BCAN: variants seen among roughly 807,000 people sequenced by gnomAD.
BCAN encodes brevican.
BCAN carries 51 observed loss-of-function variants against 92.4 expected under a neutral mutation model. The observed-to-expected ratio is 0.55, with a 90% CI of 0.44 to 0.70. BCAN has a LOEUF of 0.70. BCAN is among the 30% of genes least tolerant of loss of function. BCAN has a pLI of 0.00. For missense variants in BCAN, 1,140 were observed against 1,212.1 expected (o/e 0.94, Z 0.88); for synonymous variants, 501 against 505.2 (o/e 0.99, Z 0.11).
In BCAN at chr1:156,658,306, G is replaced by C. The variant is rs543034863; in HGVS notation, c.2437+35G>C. On this transcript the variant is annotated intron_variant, in intron 12 of 13. Transcript: ENST00000329117. The surrounding 1 kb of genome is among the most constrained non-coding windows in gnomAD (Gnocchi z 4.4). ...GGCAAAGGAGGGTCCCAGCAAGGAA[G>C]TGGAGGGGTGGGCTAGGGGACCAGA... 4 of 1,608,686 alleles carry C rather than the reference G, an allele frequency of 2.5e-6. No individual in the cohort carries two copies. Among genetic ancestry groups the C allele is most frequent in the African/African-American group, 2.7e-5 (2 of 74,972 alleles).
In BCAN at chr1:156,658,055, C is replaced by T. The variant is rs533217524; in HGVS notation, c.2293-72C>T. 24 of 1,555,330 alleles carry T rather than the reference C, an allele frequency of 1.5e-5. No homozygotes were observed. The South Asian group carries it at 2.5e-4, about 16-fold the overall frequency. On this transcript the variant is annotated intron_variant, in intron 11 of 13. Transcript: ENST00000329117. This position sits in a 1 kb window ranked among gnomAD's most constrained non-coding sequence, Gnocchi z 4.4. ...TGGGGCCCCGCTCACCAGCCCTCCT[C>T]CCCAGATCCTCTAGGCCCTCTCCCG...
Position 156,647,795 on chromosome 1 carries a change from T to G in BCAN, c.641+113T>G, listed in dbSNP as rs1679034696. ...CTGGACATGCAGGGCTTTTTGCCTC[T>G]GGGGGATGAGGCTGGTCTGAGGAGG... On this transcript the variant is annotated intron_variant, in intron 4 of 13. Coordinates refer to ENST00000329117, the MANE Select transcript of BCAN (RefSeq NM_021948.5). The surrounding 1 kb of genome is among the most constrained non-coding windows in gnomAD (Gnocchi z 4.8). 1 of 1,540,712 alleles carries G rather than the reference T, an allele frequency of 6.5e-7. No individual in the cohort carries two copies.
At position 156,658,026 on chromosome 1, in the gene BCAN, C is replaced by T. The variant is rs964875241; in HGVS notation, c.2293-101C>T. The T allele has an allele frequency of 2.1e-6, 3 of 1,423,528 alleles. No homozygotes were observed. Among genetic ancestry groups the T allele is most frequent in the Admixed American group, 2.1e-5 (1 of 48,394 alleles). The allele number at this position is 1,423,528 out of a possible 1,614,324, so 88.2% of individuals were successfully genotyped here. A position where few individuals can be genotyped will look rare whatever the true frequency, so the allele number is the denominator to read the frequency against. On this transcript the variant is annotated intron_variant, in intron 11 of 13. Transcript: ENST00000329117. The surrounding 1 kb of genome is among the most constrained non-coding windows in gnomAD (Gnocchi z 4.4). ...CTACCCCCTAGCCCTAACCTTCCCT[C>T]TCCTGGGGCCCCGCTCACCAGCCCT...
Position 156,658,370 on chromosome 1 carries a change from A to G in BCAN, c.2437+99A>G. The G allele has an allele frequency of 1.3e-6, 2 of 1,519,758 alleles. No homozygotes were observed. Among genetic ancestry groups the G allele is most frequent in the South Asian group, 1.3e-5 (1 of 79,260 alleles). The allele number at this position is 1,519,758 out of a possible 1,614,324, so 94.1% of individuals were successfully genotyped here. A position where few individuals can be genotyped will look rare whatever the true frequency, so the allele number is the denominator to read the frequency against. On this transcript the variant is annotated intron_variant, in intron 12 of 13. Coordinates refer to ENST00000329117, the MANE Select transcript of BCAN (RefSeq NM_021948.5). The surrounding 1 kb of genome is among the most constrained non-coding windows in gnomAD (Gnocchi z 4.4). ...GTAGACAGAGAGTGCAAAGCAACAT[A>G]GAGGAGTCAGAACGTGTTCCAGACC...
rs773590185 is a variant in BCAN at position 156,647,197 on chromosome 1, A to G, written c.466+22A>G. 16 of 412,000 alleles carry G rather than the reference A, an allele frequency of 3.9e-5. No homozygotes were observed. Among genetic ancestry groups the G allele is most frequent in the South Asian group, 2.7e-4 (13 of 48,404 alleles). The allele number at this position is 412,000 out of a possible 1,614,324, so 25.5% of individuals were successfully genotyped here. ...AAAGGTGAGAGGGCAGGGAGGTTCCAGAGGGAGGGAGGGAGGGAGGGAAGG... is the reference window on the plus strand; with the variant it reads ...AAAGGTGAGAGGGCAGGGAGGTTCCGGAGGGAGGGAGGGAGGGAGGGAAGG... On this transcript the variant is annotated intron_variant, in intron 3 of 13. Coordinates refer to ENST00000329117, the MANE Select transcript of BCAN (RefSeq NM_021948.5). The surrounding 1 kb of genome is among the most constrained non-coding windows in gnomAD (Gnocchi z 4.8).
rs112514113 is a variant in BCAN at position 156,653,283 on chromosome 1, G to A, written c.1942+391G>A. The A allele has an allele frequency of 1.4e-4, 156 of 1,129,598 alleles. 2 individuals are homozygous for A. In the African/African-American group the frequency reaches 2.1e-3, roughly 15 times the overall value. The allele number at this position is 1,129,598 out of a possible 1,614,324, so 70.0% of individuals were successfully genotyped here. A position where few individuals can be genotyped will look rare whatever the true frequency, so the allele number is the denominator to read the frequency against. On this transcript the variant is annotated intron_variant, in intron 8 of 13. Coordinates refer to ENST00000329117, the MANE Select transcript of BCAN (RefSeq NM_021948.5). ...TACTCCCTTCATCCGCCTGTGTGCC[G>A]TCCCCTTTAGCTGCCTCCTATTGAT...
chr1:156,646,498 C>G, intron 2 of BCAN: 2 of 515,770 alleles, frequency 3.9e-6, no homozygotes, highest in South Asian at 3.6e-5. Context: ...GTTGGAGGAC[C>G]CTGGGGTGTG....
rs1306256913 is a variant in BCAN, at chr1:156,647,254, TGA to T, written c.466+83_466+84del. Reference sequence around the variant, plus strand: ...TCTTGCCTTCGGGGATCCCACAGTGTGAGAGGGAAGCAAAGGTAGCTGGAAGG... The same window carrying T: ...TCTTGCCTTCGGGGATCCCACAGTGTGAGGGAAGCAAAGGTAGCTGGAAGG... On this transcript the variant is annotated intron_variant, in intron 3 of 13. Coordinates refer to ENST00000329117, the MANE Select transcript of BCAN (RefSeq NM_021948.5). This position sits in a 1 kb window ranked among gnomAD's most constrained non-coding sequence, Gnocchi z 4.8. 6.9e-7 allele frequency: 1 copy of T among 1,440,662 alleles called. No homozygotes were observed. Among genetic ancestry groups the T allele is most frequent in the African/African-American group, 1.4e-5 (1 of 69,602 alleles). The allele number at this position is 1,440,662 out of a possible 1,614,324, so 89.2% of individuals were successfully genotyped here.
Position 156,646,829 on chromosome 1 carries a change from G to A in BCAN, c.120G>A (p.Ala40=), listed in dbSNP as rs752889269. The change falls in exon 3 of 14, where the codon GCG becomes GCA. Residue 40 remains alanine (A), a synonymous_variant. Transcript: ENST00000329117. ...ACCGCGCTTTTCGCGTGCGCATCGC[G>A]GGCGACGCGCCACTGCAGGGCGTGC... ...SEDRAFRVRI[A]GDAPLQGVLG... 1 of 1,578,192 alleles carries A rather than the reference G, an allele frequency of 6.3e-7. No homozygotes were observed. The highest frequency in any genetic ancestry group is 8.6e-7 in the Non-Finnish European group (1 of 1,163,776).
rs373345126 is a variant in BCAN at position 156,651,597 on chromosome 1, G to A, written c.1205G>A (p.Arg402His). ...CAGGAAGCCACAGAGAGTGAATCCC[G>A]TGGGGCCATCTACTCCATCCCCATC... ...LPQEATESES[R>H]GAIYSIPIME... The change falls in exon 7 of 14, where the codon CGT (arginine) becomes CAT (histidine). Residue 402 changes from arginine (R) to histidine (H), a missense_variant. Arg to His is a conservative substitution (Grantham distance 29). This residue lies in a region of BCAN where 825 missense variants were observed against 871.8 expected (regional missense o/e 0.95). Transcript: ENST00000329117. 4.5e-5 allele frequency: 73 copies of A among 1,613,778 alleles called. No homozygotes were observed. Among genetic ancestry groups the A allele is most frequent in the East Asian group, 1.1e-4 (5 of 44,898 alleles).
rs1276560041 is a variant in BCAN, at chr1:156,642,739, T to C, written c.-9+464T>C. The C allele has an allele frequency of 1.3e-5, 2 of 152,224 alleles. No individual in the cohort carries two copies. Among genetic ancestry groups the C allele is most frequent in the Non-Finnish European group, 2.9e-5 (2 of 68,068 alleles). The allele number at this position is 152,224 out of a possible 1,614,324, so 9.4% of individuals were successfully genotyped here. On this transcript the variant is annotated intron_variant, in intron 1 of 13. Transcript: ENST00000329117. This position sits in a 1 kb window ranked among gnomAD's most constrained non-coding sequence, Gnocchi z 4.2. ...CGGCAGGACAGCCGATCAGAGCCGC[T>C]CTAGGGGGTGGTCGGAGTGCCCATT...
At chr1:156,654,376 G>A (rs1304009463) in intron 8 of BCAN, among the ~76,000 whole-genome samples, 1 of 152,188 alleles carries the variant, frequency 6.6e-6, no homozygotes, top group East Asian at 1.9e-4. Context: ...GCCCTGTGGG[G>A]GATAGGGAGG....
In BCAN at chr1:156,658,129, C is replaced by G. The variant is rs762814213; in HGVS notation, c.2295C>G (p.Leu765=). Residue 765 remains leucine, a splice_region_variant and synonymous_variant, in exon 12 of 14, where the codon CTC becomes CTG. Transcript: ENST00000329117. The surrounding 1 kb of genome is among the most constrained non-coding windows in gnomAD (Gnocchi z 4.4). Reference sequence around the variant, plus strand: ...CACCACCTCCTCCGTTCCCCCAGCTCTATGAGAACTGGAACCCTGGGCAGC... The same window carrying G: ...CACCACCTCCTCCGTTCCCCCAGCTGTATGAGAACTGGAACCCTGGGCAGC... ...DFLWSDGVPL[L]YENWNPGQPD... is the part of the protein sequence containing the mutation. The G allele has an allele frequency of 2.5e-6, 4 of 1,613,818 alleles. No homozygotes were observed. Among genetic ancestry groups the G allele is most frequent in the Non-Finnish European group, 3.4e-6 (4 of 1,179,800 alleles).
At position 156,657,075 on chromosome 1, in the gene BCAN, G is replaced by C; in HGVS notation, c.2188G>C (p.Glu730Gln). Residue 730 changes from glutamate (E) to glutamine (Q), a missense_variant, in exon 10 of 14, where the codon GAG (glutamate) becomes CAG (glutamine). Physicochemically the swap from Glu to Gln is conservative, Grantham distance 29 (BLOSUM62 2). Coordinates refer to ENST00000329117, the MANE Select transcript of BCAN (RefSeq NM_021948.5). ...GCATCTGGCCAGCATCAGCACACCC[G>C]AGGAACAGGACTTCATCAACAGTGG... is the stretch of plus-strand genomic sequence containing the variant. ...GAHLASISTP[E>Q]EQDFINNRYR... 6.2e-7 allele frequency: 1 copy of C among 1,613,946 alleles called. No individual in the cohort carries two copies. Among genetic ancestry groups the C allele is most frequent in the Non-Finnish European group, 8.5e-7 (1 of 1,179,852 alleles).
rs1187572983 is a variant in BCAN, at chr1:156,651,588, G to A, written c.1196G>A (p.Ser399Asn). 1 of 1,613,818 alleles carries A rather than the reference G, an allele frequency of 6.2e-7. No homozygotes were observed. Among genetic ancestry groups the A allele is most frequent in the African/African-American group, 1.3e-5 (1 of 74,934 alleles). Residue 399 changes from serine to asparagine, a missense_variant, in exon 7 of 14, where the codon AGT becomes AAT. Ser to Asn is a conservative substitution (Grantham distance 46, BLOSUM62 1). Around this residue, in one of 3 missense-constraint regions of BCAN, gnomAD observed 825 missense variants for 871.8 expected, o/e 0.95. Coordinates refer to ENST00000329117, the MANE Select transcript of BCAN (RefSeq NM_021948.5). The stretch of plus-strand genomic sequence containing the variant: ...CAGCTGCCTCAGGAAGCCACAGAGA[G>A]TGAATCCCGTGGGGCCATCTACTCC... ...ELQLPQEATESESRGAIYSIP... is the reference protein window; with the variant it reads ...ELQLPQEATENESRGAIYSIP...
intron 7 of BCAN, 119 bp downstream of exon 7, chr1:156,651,808 T>G (rs754811469): frequency 1.8e-5 from 17 of 937,734 alleles, no homozygotes; most frequent in Non-Finnish European, 2.4e-5. Context: ...CCTTTCTCAG[T>G]AGCTCAGGGG....
chr1:156,647,133 G>C lies in BCAN; in HGVS notation c.424G>C (p.Gly142Arg), dbSNP rs376404213. ...SGIYRCEVQHGIDDSSDAVEV... is the reference protein window; with the variant it reads ...SGIYRCEVQHRIDDSSDAVEV... ...TATCTATCGCTGTGAGGTCCAGCAC[G>C]GCATCGATGACAGCAGCGACGCTGT... The change falls in exon 3 of 14, where the codon GGC becomes CGC. Residue 142 changes from glycine to arginine, a missense_variant. Gly to Arg is a moderately radical substitution (Grantham distance 125). Coordinates refer to ENST00000329117, the MANE Select transcript of BCAN (RefSeq NM_021948.5). This position sits in a 1 kb window ranked among gnomAD's most constrained non-coding sequence, Gnocchi z 4.8. 7 of 1,574,056 alleles carry C rather than the reference G, an allele frequency of 4.4e-6. No individual in the cohort carries two copies. The highest frequency in any genetic ancestry group is 6.1e-6 in the Non-Finnish European group (7 of 1,152,302).
In BCAN at chr1:156,647,568, A is replaced by G. The variant is rs1443281120; in HGVS notation, c.527A>G (p.Gln176Arg). Reference protein sequence around the residue: ...ARYAFSFSGAQEACARIGAHI... With the variant: ...ARYAFSFSGAREACARIGAHI... ...TATGCTTTCTCCTTTTCTGGGGCCC[A>G]GGAGGCCTGTGCCCGCATTGGAGCC... is the stretch of plus-strand genomic sequence containing the variant. Residue 176 changes from glutamine (Q) to arginine (R), a missense_variant, in exon 4 of 14, where the codon CAG becomes CGG. Physicochemically the swap from Gln to Arg is conservative, Grantham distance 43. This residue lies in a region of BCAN where 286 missense variants were observed against 284.1 expected (regional missense o/e 1.01). Coordinates refer to ENST00000329117, the MANE Select transcript of BCAN (RefSeq NM_021948.5). This position sits in a 1 kb window ranked among gnomAD's most constrained non-coding sequence, Gnocchi z 4.8. 8.1e-6 allele frequency: 13 copies of G among 1,611,554 alleles called. No homozygotes were observed. Among genetic ancestry groups the G allele is most frequent in the Non-Finnish European group, 1.0e-5 (12 of 1,179,116 alleles).
In BCAN at chr1:156,647,246, C is replaced by T; in HGVS notation, c.466+71C>T. 6.9e-7 allele frequency: 1 copy of T among 1,453,914 alleles called. No homozygotes were observed. Among genetic ancestry groups the T allele is most frequent in the South Asian group, 1.5e-5 (1 of 68,800 alleles). The allele number at this position is 1,453,914 out of a possible 1,614,324, so 90.1% of individuals were successfully genotyped here. A position where few individuals can be genotyped will look rare whatever the true frequency, so the allele number is the denominator to read the frequency against. On this transcript the variant is annotated intron_variant, in intron 3 of 13. Transcript: ENST00000329117. This position sits in a 1 kb window ranked among gnomAD's most constrained non-coding sequence, Gnocchi z 4.8. ...GGGAGGACTCTTGCCTTCGGGGATC[C>T]CACAGTGTGAGAGGGAAGCAAAGGT...
Sources: gnomAD v4.1 joint callset for allele counts (sites outside exome capture counted in the v4.1 genomes callset) on GRCh38, gnomAD v4.1.1 for gene constraint, gnomAD v4.1.1 regional missense constraint, Gnocchi (gnomAD v3.1) non-coding constraint, MANE v1.5 for transcripts, NCBI Gene and HGNC (gene_info 2026-07-23, HGNC 2026-07-21) for gene names.